Variants in SLC17A5 observed in about 807,000 individuals in gnomAD.
The protein encoded by SLC17A5 is solute carrier family 17 member 5, also known as sialin.
In SLC17A5, 47 loss-of-function variants were observed where a neutral mutation model predicts 59.4. That is an observed-to-expected ratio of 0.79 (90% CI 0.63 to 1.01). The LOEUF is 1.01. SLC17A5 is among the 50% of genes least tolerant of loss of function. The pLI, the probability that SLC17A5 is intolerant of heterozygous loss-of-function variation, is 0.00. For missense variants in SLC17A5, 522 were observed against 595.5 expected (o/e 0.88, Z 1.28); for synonymous variants, 202 against 210.7 (o/e 0.96, Z 0.36).
chr6:73,635,439 T>G lies in SLC17A5; in HGVS notation c.762A>C (p.Lys254Asn), dbSNP rs767502652. Residue 254 changes from lysine (K) to asparagine (N), a missense_variant, in exon 6 of 11, where the codon AAA becomes AAC. Lys to Asn is a moderately conservative substitution (Grantham distance 94). Coordinates refer to ENST00000355773, the MANE Select transcript of SLC17A5 (RefSeq NM_012434.5). Reference sequence around the variant, plus strand: ...TTTCATAATGGGAAATTCTCTTGTGTTTTTGTGGTGTGTCACTAACTAACC... The same window carrying G: ...TTTCATAATGGGAAATTCTCTTGTGGTTTTGTGGTGTGTCACTAACTAACC... ...WIWLVSDTPQ[K>N]HKRISHYEKE... The G allele has an allele frequency of 3.1e-6, 5 of 1,609,508 alleles. No individual in the cohort carries two copies. Among genetic ancestry groups the G allele is most frequent in the Admixed American group, 3.3e-5 (2 of 59,956 alleles).
Position 73,610,623 on chromosome 6 carries a change from G to A in SLC17A5, c.1112-76C>T. ...CTCTACCTTAATATGGTATAAATCT[G>A]AAATTTGAAATTGCTGCCACCTACT... is the stretch of plus-strand genomic sequence containing the variant. On this transcript the variant is annotated intron_variant, in intron 8 of 10. Coordinates refer to ENST00000355773, the MANE Select transcript of SLC17A5 (RefSeq NM_012434.5). The A allele has an allele frequency of 2.6e-6, 4 of 1,517,570 alleles. No individual in the cohort carries two copies. The Middle Eastern group carries it at 5.1e-4, about 194-fold the overall frequency. 94.0% of individuals were successfully genotyped at this position (1,517,570 alleles called of 1,614,324 possible). A position where few individuals can be genotyped will look rare whatever the true frequency, so the allele number is the denominator to read the frequency against.
intron 7 of SLC17A5, among the ~76,000 whole-genome samples, chr6:73,617,237 A>G (rs656748): frequency 0.16 from 24,517 of 150,912 alleles, 3,036 homozygotes; most frequent in African/African-American, 0.34. Flanking sequence ...GTTGCAGTGA[A>G]CCAAGATTGC....
At chr6:73,652,643 C>T (rs1278884105) in intron 1 of SLC17A5, among the ~76,000 whole-genome samples, 1 of 151,996 alleles carries the variant, frequency 6.6e-6, no homozygotes, top group Non-Finnish European at 1.5e-5. Context: ...CACTACAAGC[C>T]ACAGAAAATG....
In SLC17A5 at chr6:73,601,964, T is replaced by A. The variant is rs79742868; in HGVS notation, c.1260-1523A>T. On this transcript the variant is annotated intron_variant, in intron 9 of 10. Coordinates refer to ENST00000355773, the MANE Select transcript of SLC17A5 (RefSeq NM_012434.5). ...ACCCAACAGCTCATTGAGAACGGGC[T>A]GGGATGACAATGGCGGTTTTGTGGA... Among the ~76,000 whole-genome samples the A allele has an allele frequency of 2.0e-5, 3 of 151,572 alleles. No homozygotes were observed. In the East Asian group the frequency reaches 5.8e-4, roughly 29 times the overall value.
intron 2 of SLC17A5, 54 bp downstream of exon 2, chr6:73,644,353 A>T: frequency 7.3e-7 from 1 of 1,365,560 alleles, no homozygotes; most frequent in Non-Finnish European, 1.0e-6. Flanking sequence ...TAATATTTTT[A>T]CTTGCAAGTA....
intron 1 of SLC17A5, among the ~76,000 whole-genome samples, chr6:73,652,692 G>A (rs12203363): frequency 0.22 from 32,804 of 152,094 alleles, 3,732 homozygotes; most frequent in Non-Finnish European, 0.25. Flanking sequence ...CAGGTAAAAC[G>A]TAACTATGGT....
At chr6:73,608,224 G>A (rs1561987302) in intron 9 of SLC17A5, among the ~76,000 whole-genome samples, 1 of 152,132 alleles carries the variant, frequency 6.6e-6, no homozygotes, top group Non-Finnish European at 1.5e-5. Context: ...TAACTTTTGG[G>A]GTAGGTGCTG....
chr6:73,599,007 A>G (rs1210169179), intron 10 of SLC17A5, among the ~76,000 whole-genome samples: 1 of 150,790 alleles, frequency 6.6e-6, no homozygotes. Flanking sequence ...CAAAAAACAC[A>G]CACACACACA....
chr6:73,595,366 A>T lies in SLC17A5; in HGVS notation c.1351-152T>A. On this transcript the variant is annotated intron_variant, in intron 10 of 10. Transcript: ENST00000355773. ...CCCAAATGTCCACCAGCAGTAGGATAGTGGTATATTTGTTCAACGTAATAC... is the reference window on the plus strand; with the variant it reads ...CCCAAATGTCCACCAGCAGTAGGATTGTGGTATATTTGTTCAACGTAATAC... 3 of 793,704 alleles carry T rather than the reference A, an allele frequency of 3.8e-6. No individual in the cohort carries two copies. In the South Asian group the frequency reaches 4.5e-5, roughly 12 times the overall value. 49.2% of individuals were successfully genotyped at this position (793,704 alleles called of 1,614,324 possible).
rs750771008 is a variant in SLC17A5 at position 73,641,878 on chromosome 6, C to T, written c.338G>A (p.Gly113Asp). 7 of 1,614,072 alleles carry T rather than the reference C, an allele frequency of 4.3e-6. No homozygotes were observed. Among genetic ancestry groups the T allele is most frequent in the Middle Eastern group, 1.6e-4 (1 of 6,084 alleles). Residue 113 changes from glycine (G) to aspartate (D), a missense_variant, in exon 3 of 11, where the codon GGT becomes GAT. Coordinates refer to ENST00000355773, the MANE Select transcript of SLC17A5 (RefSeq NM_012434.5). Reference sequence around the variant, plus strand: ...GATGATGTAGCCATAAAAAAAGGAACCGAGAATCCATCCTTGAGTTTCTGC... The same window carrying T: ...GATGATGTAGCCATAAAAAAAGGAATCGAGAATCCATCCTTGAGTTTCTGC... ...WDAETQGWILGSFFYGYIITQ... is the reference protein window; with the variant it reads ...WDAETQGWILDSFFYGYIITQ...
chr6:73,647,214 G>A (rs1769622014), intron 1 of SLC17A5, among the ~76,000 whole-genome samples: 1 of 152,194 alleles, frequency 6.6e-6, no homozygotes, highest in South Asian at 2.1e-4. Flanking sequence ...AGCTTATCTG[G>A]TTGATGGTTT....
chr6:73,631,252 C>A (rs1338171630), intron 6 of SLC17A5, among the ~76,000 whole-genome samples: 2 of 151,238 alleles, frequency 1.3e-5, no homozygotes, highest in Non-Finnish European at 2.9e-5. Context: ...CAGAGCGAGA[C>A]CCTGTCTCTA....
chr6:73,601,061 CG>C (rs1767046152), intron 9 of SLC17A5, among the ~76,000 whole-genome samples: 1 of 145,330 alleles, frequency 6.9e-6, no homozygotes, highest in Admixed American at 7.0e-5. Context: ...AAGTGAGGAG[CG>C]TCTCTGCCCG....
At chr6:73,619,883 G>T (rs1768055779) in intron 7 of SLC17A5, among the ~76,000 whole-genome samples, 1 of 147,710 alleles carries the variant, frequency 6.8e-6, no homozygotes, top group Non-Finnish European at 1.5e-5. Flanking sequence ...TACTTTATAA[G>T]TAAAATAAGA....
intron 1 of SLC17A5, 34 bp downstream of exon 1, chr6:73,653,759 C>G (rs1769982672): frequency 6.5e-7 from 1 of 1,538,172 alleles, no homozygotes; most frequent in African/African-American, 1.4e-5. Context: ...GTACCGCTGC[C>G]CACTCGAAGC....
chr6:73,638,220 A>G (rs1447187456), intron 4 of SLC17A5, among the ~76,000 whole-genome samples, 192 bp downstream of exon 4: 1 of 152,234 alleles, frequency 6.6e-6, no homozygotes, highest in Non-Finnish European at 1.5e-5. Context: ...ACATTAGTCA[A>G]TTAAGCTGCA....
At chr6:73,639,593 A>C (rs1769180504) in intron 3 of SLC17A5, among the ~76,000 whole-genome samples, 1 of 152,196 alleles carries the variant, frequency 6.6e-6, no homozygotes, top group Non-Finnish European at 1.5e-5. Context: ...CTTTATTATA[A>C]AACCTAGGGA....
At chr6:73,614,299 G>A (rs1338151617) in intron 8 of SLC17A5, among the ~76,000 whole-genome samples, 2 of 152,032 alleles carry the variant, frequency 1.3e-5, no homozygotes, top group African/African-American at 4.8e-5. Context: ...TATGGCCAGT[G>A]TGGTGGCTCA....
intron 6 of SLC17A5, among the ~76,000 whole-genome samples, chr6:73,627,891 G>A (rs954711113): frequency 2.7e-5 from 4 of 150,766 alleles, no homozygotes; most frequent in African/African-American, 9.8e-5. Context: ...AAAAGTGCTG[G>A]GATTACAGGC....
Sources: gnomAD v4.1 joint callset for allele counts (sites outside exome capture counted in the v4.1 genomes callset) on GRCh38, gnomAD v4.1.1 for gene constraint, MANE v1.5 for transcripts, NCBI Gene and HGNC (gene_info 2026-07-23, HGNC 2026-07-21) for gene names.